Variants in ASAP1 observed in about 807,000 individuals in gnomAD.
ASAP1 encodes the protein arf-GAP with SH3 domain, ANK repeat and PH domain-containing protein 1.
In ASAP1, 43 loss-of-function variants were observed where a neutral mutation model predicts 145.2. The observed-to-expected ratio is 0.30, with a 90% confidence interval of 0.23 to 0.38. ASAP1 has a LOEUF of 0.38. Ranked by LOEUF, ASAP1 falls within the 10% of genes least tolerant of loss-of-function variation. ASAP1 has a pLI of 1.00. For synonymous variants in ASAP1, 546 were observed against 515.5 expected (o/e 1.06, Z -0.80); for missense variants, 1,018 against 1,355.3 (o/e 0.75, Z 3.91).
At chr8:130,330,659 C>T (rs1824627943) in intron 3 of ASAP1, among the ~76,000 whole-genome samples, 2 of 152,216 alleles carry the variant, frequency 1.3e-5, no homozygotes, top group Admixed American at 1.3e-4. Flanking sequence ...GGCAATTTGT[C>T]TTACGGGTAA....
intron 3 of ASAP1, among the ~76,000 whole-genome samples, chr8:130,305,444 A>G (rs1420864921): frequency 6.6e-6 from 1 of 151,736 alleles, no homozygotes; most frequent in African/African-American, 2.4e-5. Flanking sequence ...GCTCACCACA[A>G]CCTCCGCCTC....
At chr8:130,179,994 A>T (rs2136167760) in intron 8 of ASAP1, among the ~76,000 whole-genome samples, 1 of 142,880 alleles carries the variant, frequency 7.0e-6, no homozygotes, top group Non-Finnish European at 1.5e-5. Context: ...AATGAGAGAG[A>T]GAGAGGTGAG....
chr8:130,362,326 C>T (rs751716632), intron 2 of ASAP1, among the ~76,000 whole-genome samples: 27 of 152,172 alleles, frequency 1.8e-4, no homozygotes, highest in Non-Finnish European at 3.4e-4. Flanking sequence ...CGACAGCATT[C>T]ATCACAGGCT....
At chr8:130,235,427 T>C (rs1586653115) in intron 4 of ASAP1, among the ~76,000 whole-genome samples, 1 of 152,026 alleles carries the variant, frequency 6.6e-6, no homozygotes, top group Non-Finnish European at 1.5e-5. Flanking sequence ...GAAACAACAA[T>C]ATCAGCACCT....
intron 1 of ASAP1, among the ~76,000 whole-genome samples, chr8:130,436,420 C>A (rs755987579): frequency 6.6e-5 from 10 of 152,148 alleles, no homozygotes; most frequent in Non-Finnish European, 1.3e-4. Flanking sequence ...GTCAGCCTCC[C>A]GAGTAGCTGG....
At chr8:130,092,581 T>A (rs2097507911) in intron 24 of ASAP1, among the ~76,000 whole-genome samples, 1 of 152,128 alleles carries the variant, frequency 6.6e-6, no homozygotes, top group Non-Finnish European at 1.5e-5. Context: ...GAGCTATGAT[T>A]ATGCCACTGC....
At chr8:130,203,404 G>A (rs6991549) in intron 5 of ASAP1, among the ~76,000 whole-genome samples, 5,283 of 152,250 alleles carry the variant, frequency 0.035, 125 homozygotes, top group Middle Eastern at 0.065. Context: ...TCACTAACCC[G>A]TGTTTCCCGG....
chr8:130,358,143 C>G lies in ASAP1; in HGVS notation c.60G>C (p.Arg20=). 6.2e-7 allele frequency: 1 copy of G among 1,603,474 alleles called. No individual in the cohort carries two copies. The highest frequency in any genetic ancestry group is 8.5e-7 in the Non-Finnish European group (1 of 1,176,442). The change falls in exon 3 of 30, where the codon CGG becomes CGC. Residue 20 remains arginine, a splice_region_variant and synonymous_variant. Transcript: ENST00000518721. This position sits in a 1 kb window ranked among gnomAD's most constrained non-coding sequence, Gnocchi z 4.1. ...SFSSRDSLWN[R]MPDQISVSEF... ...CCGAGACAGAGATCTGGTCCGGCATCCTGCCGGGAGGGACGAGACACAAGC... is the reference window on the plus strand; with the variant it reads ...CCGAGACAGAGATCTGGTCCGGCATGCTGCCGGGAGGGACGAGACACAAGC...
At chr8:130,183,660 T>G (rs1032618124) in intron 7 of ASAP1, among the ~76,000 whole-genome samples, 2 of 152,166 alleles carry the variant, frequency 1.3e-5, no homozygotes, top group Non-Finnish European at 2.9e-5. Flanking sequence ...AAAATCAGTA[T>G]TTTATACTGA....
At chr8:130,309,918 T>C (rs1463489994) in intron 3 of ASAP1, among the ~76,000 whole-genome samples, 1 of 152,208 alleles carries the variant, frequency 6.6e-6, no homozygotes, top group East Asian at 1.9e-4. Flanking sequence ...CATGAGTCTT[T>C]AGACATATTT....
chr8:130,336,683 T>TAA (rs1187325944), intron 3 of ASAP1, among the ~76,000 whole-genome samples: 6 of 152,188 alleles, frequency 3.9e-5, no homozygotes, highest in African/African-American at 1.4e-4. Context: ...AGGAGCATGG[T>TAA]AAAGCCAACC....
intron 11 of ASAP1, among the ~76,000 whole-genome samples, chr8:130,167,278 AGAGT>A (rs2097681848): frequency 6.6e-6 from 1 of 151,302 alleles, no homozygotes; most frequent in African/African-American, 2.4e-5. Context: ...CCTGGGTGAC[AGAGT>A]GAGACCCTGT....
At chr8:130,076,243 G>C in intron 27 of ASAP1, 105 bp downstream of exon 27, 1 of 713,976 alleles carries the variant, frequency 1.4e-6, no homozygotes, top group African/African-American at 1.8e-5. Context: ...TGCTGCTCTA[G>C]GCATTTGGGA....
chr8:130,221,651 G>T (rs1817301628), intron 4 of ASAP1, among the ~76,000 whole-genome samples: 1 of 152,004 alleles, frequency 6.6e-6, no homozygotes, highest in African/African-American at 2.4e-5. Flanking sequence ...TTTCCGTGAG[G>T]CCCCTTATGT....
At chr8:130,079,178 G>A (rs957292797) in intron 26 of ASAP1, among the ~76,000 whole-genome samples, 1 of 152,212 alleles carries the variant, frequency 6.6e-6, no homozygotes, top group East Asian at 1.9e-4. Flanking sequence ...CTGGGTGACA[G>A]AGAAAGGCCC....
intron 13 of ASAP1, among the ~76,000 whole-genome samples, chr8:130,149,612 G>A (rs971692882): frequency 6.6e-6 from 1 of 152,174 alleles, no homozygotes; most frequent in Non-Finnish European, 1.5e-5. Context: ...TGACACTGAT[G>A]AGGGCCTTCA....
At chr8:130,433,487 T>C (rs1830207188) in intron 1 of ASAP1, among the ~76,000 whole-genome samples, 1 of 152,240 alleles carries the variant, frequency 6.6e-6, no homozygotes, top group Admixed American at 6.5e-5. Context: ...TGACTGTTCC[T>C]TGGTAACTCT....
chr8:130,312,066 A>T (rs1586809141), intron 3 of ASAP1, among the ~76,000 whole-genome samples: 1 of 152,078 alleles, frequency 6.6e-6, no homozygotes, highest in Non-Finnish European at 1.5e-5. Context: ...ACTTGAGCCC[A>T]GGAGTTCAAA....
rs143611261 is a variant in ASAP1, at chr8:130,252,400, T to C, written c.187-15406A>G. Among the ~76,000 whole-genome samples, 199 of 151,494 alleles carry C rather than the reference T, an allele frequency of 1.3e-3. 2 individuals are homozygous for C. The South Asian group carries it at 0.025, about 19-fold the overall frequency. ...AATTTCCTTATACAATATTAAAAGATTGATTCAGTACTTAAAATATTTTTA... is the reference window on the plus strand; with the variant it reads ...AATTTCCTTATACAATATTAAAAGACTGATTCAGTACTTAAAATATTTTTA... On this transcript the variant is annotated intron_variant, in intron 3 of 29. Transcript: ENST00000518721.
Sources: allele counts gnomAD v4.1 joint callset (sites outside exome capture counted in the v4.1 genomes callset), GRCh38; gene constraint gnomAD v4.1.1; non-coding constraint Gnocchi (gnomAD v3.1); transcripts MANE v1.5; gene names NCBI Gene and HGNC (gene_info 2026-07-23, HGNC 2026-07-21).